PLEKHH1: variants seen among roughly 807,000 people sequenced by gnomAD.
The protein encoded by PLEKHH1 is pleckstrin homology, MyTH4 and FERM domain containing H1.
In PLEKHH1, 104 loss-of-function variants were observed where a neutral mutation model predicts 160.0. The ratio of observed to expected loss-of-function variants is 0.65; its 90% CI spans 0.55 to 0.76. The LOEUF (loss-of-function observed/expected upper bound fraction) is 0.76, where lower values mean the gene tolerates loss of function less well. Among genes scored for constraint, PLEKHH1 ranks in the 30% least tolerant of loss-of-function variants. The pLI is 0.00. For synonymous variants in PLEKHH1, 619 were observed against 678.4 expected, an observed-to-expected ratio of 0.91 and a Z score of 1.36; for missense variants, 1,427 against 1,724.1, an observed-to-expected ratio of 0.83 and a Z score of 3.05.
intron 2 of PLEKHH1, among the ~76,000 whole-genome samples, chr14:67,553,117 C>CA (rs949919337): frequency 3.3e-5 from 5 of 152,134 alleles, no homozygotes; most frequent in African/African-American, 1.2e-4. Flanking sequence ...AAGAGCAAGA[C>CA]AAGTTTTTCC....
intron 1 of PLEKHH1, among the ~76,000 whole-genome samples, chr14:67,538,142 T>C (rs753681): frequency 0.024 from 3,645 of 152,348 alleles, 57 homozygotes; most frequent in Non-Finnish European, 0.039. Context: ...CTGAGTTTTG[T>C]TTCCAGCTCA....
At position 67,578,095 on chromosome 14, in the gene PLEKHH1, G is replaced by A. The variant is rs200129259; in HGVS notation, c.2647G>A (p.Ala883Thr). Reference protein sequence around the residue: ...VDYHVSLAQTALQVCLVHPEL... With the variant: ...VDYHVSLAQTTLQVCLVHPEL... ...CTACCATGTGTCCCTGGCCCAGACC[G>A]CACTGCAGGTCTGCCTGGTTCACCC... Residue 883 changes from alanine to threonine, a missense_variant, in exon 19 of 29, where the codon GCA becomes ACA. Ala to Thr is a moderately conservative substitution (Grantham distance 58). This residue lies in a region of PLEKHH1 where 436 missense variants were observed against 607.5 expected (regional missense o/e 0.72). Coordinates refer to ENST00000329153, the MANE Select transcript of PLEKHH1 (RefSeq NM_020715.3). This position sits in a 1 kb window ranked among gnomAD's most constrained non-coding sequence, Gnocchi z 5.0. 3.6e-4 allele frequency: 577 copies of A among 1,613,204 alleles called. 1 individual carries two copies. Among genetic ancestry groups the A allele is most frequent in the Non-Finnish European group, 4.6e-4 (537 of 1,179,234 alleles).
intron 1 of PLEKHH1, among the ~76,000 whole-genome samples, chr14:67,538,323 C>G (rs1215260735): frequency 6.6e-6 from 1 of 152,198 alleles, no homozygotes; most frequent in Non-Finnish European, 1.5e-5. Context: ...CTCCTTAGCT[C>G]TATGCAAGGC....
rs2034774776 is a variant in PLEKHH1, at chr14:67,560,206, T to G, written c.423+515T>G. 2.0e-5 allele frequency among the ~76,000 whole-genome samples: 3 copies of G among 152,100 alleles called. No individual in the cohort carries two copies. In the South Asian group the frequency reaches 6.2e-4, roughly 32 times the overall value. On this transcript the variant is annotated intron_variant, in intron 5 of 28. Transcript: ENST00000329153. ...CCATGCCCAGCTAATTTTTGTATTT[T>G]TAGTAGAGACAGGTTTCACCATGTT...
In PLEKHH1 at chr14:67,578,756, G is replaced by T; in HGVS notation, c.2849+125G>T. 1.4e-6 allele frequency: 1 copy of T among 707,096 alleles called. No individual in the cohort carries two copies. Among genetic ancestry groups the T allele is most frequent in the Admixed American group, 2.1e-5 (1 of 48,772 alleles). The allele number at this position is 707,096 out of a possible 1,614,324, so 43.8% of individuals were successfully genotyped here. ...TCCTCTGAAACCGCTCAGTGGTCGT[G>T]GAGACTTCACCCATTGCCGTGTGCA... On this transcript the variant is annotated intron_variant, in intron 20 of 28. Coordinates refer to ENST00000329153, the MANE Select transcript of PLEKHH1 (RefSeq NM_020715.3). This position sits in a 1 kb window ranked among gnomAD's most constrained non-coding sequence, Gnocchi z 5.0.
intron 24 of PLEKHH1, 62 bp from the exon 25 acceptor site, chr14:67,583,678 AG>A: frequency 7.7e-7 from 1 of 1,295,924 alleles, no homozygotes; most frequent in Middle Eastern, 1.9e-4. Context: ...ACCTCTCAAC[AG>A]CCCCCACCTG....
chr14:67,573,645 C>T lies in PLEKHH1; in HGVS notation c.1840-156C>T, dbSNP rs992108045. On this transcript the variant is annotated intron_variant, in intron 12 of 28. Transcript: ENST00000329153. The surrounding 1 kb of genome is among the most constrained non-coding windows in gnomAD (Gnocchi z 4.8). ...TGATTAAGGTTCCATTTAGCTATAA[C>T]CAGAATCTAGAATAAGTCACCCATC... is the stretch of plus-strand genomic sequence containing the variant. 3.9e-5 allele frequency among the ~76,000 whole-genome samples: 6 copies of T among 152,166 alleles called. No homozygotes were observed. The highest frequency in any genetic ancestry group is 2.1e-4 in the South Asian group (1 of 4,830).
At chr14:67,569,090 GA>G in intron 7 of PLEKHH1, 47 bp from the exon 8 acceptor site, 1 of 1,289,824 alleles carries the variant, frequency 7.8e-7, no homozygotes, top group Non-Finnish European at 1.1e-6. Flanking sequence ...GAGGGGGTGG[GA>G]TGGGCATCAT....
At chr14:67,565,428 A>T (rs548437907) in intron 7 of PLEKHH1, among the ~76,000 whole-genome samples, 1 of 152,138 alleles carries the variant, frequency 6.6e-6, no homozygotes, top group East Asian at 1.9e-4. Context: ...AATTTTTTGT[A>T]GGGATGGAGT....
Position 67,555,907 on chromosome 14 carries a change from G to T in PLEKHH1, c.189+20G>T. 1.2e-6 allele frequency: 2 copies of T among 1,611,614 alleles called. No homozygotes were observed. Among genetic ancestry groups the T allele is most frequent in the Non-Finnish European group, 1.7e-6 (2 of 1,178,908 alleles). ...ACCCAGGTAACCAGGGGAGGGGATC[G>T]GCGGGAATATGCAGGGGAATGACCG... On this transcript the variant is annotated intron_variant, in intron 3 of 28. Transcript: ENST00000329153.
intron 7 of PLEKHH1, among the ~76,000 whole-genome samples, chr14:67,563,254 A>C (rs1230793249): frequency 2.0e-5 from 3 of 152,160 alleles, no homozygotes; most frequent in Admixed American, 6.5e-5. Context: ...ACTGTTAACT[A>C]CGTGACCTTG....
At chr14:67,558,341 A>C (rs6573780) in intron 4 of PLEKHH1, among the ~76,000 whole-genome samples, 94,361 of 151,976 alleles carry the variant, frequency 0.62, 29,498 homozygotes, top group Non-Finnish European at 0.65. Flanking sequence ...TTCCAACCAT[A>C]ATGGGCAGAT....
At chr14:67,554,670 G>T (rs1217494948) in intron 2 of PLEKHH1, among the ~76,000 whole-genome samples, 1 of 152,212 alleles carries the variant, frequency 6.6e-6, no homozygotes, top group South Asian at 2.1e-4. Context: ...AAGAATGGGA[G>T]CTGACATCTA....
chr14:67,573,893 C>A lies in PLEKHH1; in HGVS notation c.1926+6C>A, dbSNP rs2035502221. On this transcript the variant is annotated splice_donor_region_variant and intron_variant, in intron 13 of 28. Coordinates refer to ENST00000329153, the MANE Select transcript of PLEKHH1 (RefSeq NM_020715.3). This position sits in a 1 kb window ranked among gnomAD's most constrained non-coding sequence, Gnocchi z 4.8. ...AGGGTTCACAGACGTTTCAGGTGAG[C>A]ACGCTCCTGGCTGCTAGTATTTTAA... 1 of 1,601,642 alleles carries A rather than the reference C, an allele frequency of 6.2e-7. No individual in the cohort carries two copies. The highest frequency in any genetic ancestry group is 8.6e-7 in the Non-Finnish European group (1 of 1,168,584).
rs202221626 is a variant in PLEKHH1, at chr14:67,579,118, T to TCTCC, written c.2850-14_2850-13insCCCT. On this transcript the variant is annotated splice_polypyrimidine_tract_variant and intron_variant, in intron 20 of 28. Coordinates refer to ENST00000329153, the MANE Select transcript of PLEKHH1 (RefSeq NM_020715.3). The stretch of plus-strand genomic sequence containing the variant: ...ATGAGCAGAGCCCATAATACTCCCC[T>TCTCC]CTTCCGTCTTTTTAGAAGTGAAACT... 7.6e-7 allele frequency: 1 copy of TCTCC among 1,310,380 alleles called. No homozygotes were observed. The highest frequency in any genetic ancestry group is 1.2e-5 in the South Asian group (1 of 80,898). The allele number at this position is 1,310,380 out of a possible 1,614,324, so 81.2% of individuals were successfully genotyped here. A position where few individuals can be genotyped will look rare whatever the true frequency, so the allele number is the denominator to read the frequency against.
intron 1 of PLEKHH1, among the ~76,000 whole-genome samples, chr14:67,538,516 G>T (rs1255272277): frequency 1.3e-5 from 2 of 152,204 alleles, no homozygotes; most frequent in African/African-American, 4.8e-5. Flanking sequence ...TTTATGGGAG[G>T]TATAAGTGCA....
rs753584472 is a variant in PLEKHH1 at position 67,541,841 on chromosome 14, C to T, written c.-27C>T. 6.4e-7 allele frequency: 1 copy of T among 1,568,268 alleles called. No homozygotes were observed. The highest frequency in any genetic ancestry group is 1.7e-4 in the Middle Eastern group (1 of 5,930). On this transcript the variant is annotated 5_prime_UTR_variant, in exon 2 of 29. Coordinates refer to ENST00000329153, the MANE Select transcript of PLEKHH1 (RefSeq NM_020715.3). ...CTGCATGCTGGTTCTTAGGGCTCCC[C>T]AGAATAATCCAGAAGTCGATTCCAT...
In PLEKHH1 at chr14:67,537,883, C is replaced by T. The variant is rs971796534; in HGVS notation, c.-34-3951C>T. Among the ~76,000 whole-genome samples the T allele has an allele frequency of 7.9e-5, 12 of 152,082 alleles. No homozygotes were observed. In the East Asian group the frequency reaches 1.7e-3, roughly 22 times the overall value. Reference sequence around the variant, plus strand: ...ACTGACTGCTGTGGCATTTCAGTCCCGGGTGTTGGAGGATTCAGGGGATGC... The same window carrying T: ...ACTGACTGCTGTGGCATTTCAGTCCTGGGTGTTGGAGGATTCAGGGGATGC... On this transcript the variant is annotated intron_variant, in intron 1 of 28. Transcript: ENST00000329153.
At chr14:67,537,382 A>AATAATAATAAT (rs1566718826) in intron 1 of PLEKHH1, among the ~76,000 whole-genome samples, 9 of 93,446 alleles carry the variant, frequency 9.6e-5, no homozygotes, top group South Asian at 3.4e-4. Flanking sequence ...ATAATAATAA[A>AATAATAATAAT]AACTTAATCT....
Sources: allele counts gnomAD v4.1 joint callset (sites outside exome capture counted in the v4.1 genomes callset), GRCh38; gene constraint gnomAD v4.1.1; regional missense constraint gnomAD v4.1.1; non-coding constraint Gnocchi (gnomAD v3.1); transcripts MANE v1.5; gene names NCBI Gene and HGNC (gene_info 2026-07-23, HGNC 2026-07-21).